Variants in CADPS observed in about 807,000 individuals in gnomAD.
The protein encoded by CADPS is calcium dependent secretion activator.
CADPS carries 57 observed loss-of-function variants against 167.3 expected under a neutral mutation model. The observed-to-expected ratio is 0.34, with a 90% CI of 0.28 to 0.42. The LOEUF (loss-of-function observed/expected upper bound fraction) is 0.42. Among genes scored for constraint, CADPS ranks in the 20% least tolerant of loss-of-function variants. CADPS has a pLI of 1.00. For missense variants in CADPS, 1,414 were observed against 1,738.1 expected (o/e 0.81, Z 3.32); for synonymous variants, 676 against 635.3 (o/e 1.06, Z -0.96).
intron 6 of CADPS, among the ~76,000 whole-genome samples, chr3:62,612,340 T>C (rs1386720011): frequency 6.6e-6 from 1 of 152,194 alleles, no homozygotes; most frequent in Non-Finnish European, 1.5e-5. Flanking sequence ...AAGCACTGAA[T>C]AACTAATAAC....
Position 62,874,979 on chromosome 3 carries a change from C to T in CADPS, c.51G>A (p.Glu17=), listed in dbSNP as rs773576142. Residue 17 remains glutamate (E), a synonymous_variant, in exon 1 of 30, where the codon GAG becomes GAA. Transcript: ENST00000383710. This position sits in a 1 kb window ranked among gnomAD's most constrained non-coding sequence, Gnocchi z 7.1. The stretch of plus-strand genomic sequence containing the variant: ...AGCCGAGCACCTCCTTGCCGCTCTC[C>T]TCCTCCACGATCTCATCCGATTCTT... ...SEEESDEIVE[E]ESGKEVLGSA... 1.3e-6 allele frequency: 2 copies of T among 1,595,802 alleles called. No individual in the cohort carries two copies. Among genetic ancestry groups the T allele is most frequent in the African/African-American group, 2.8e-5 (2 of 72,710 alleles).
At position 62,753,645 on chromosome 3, in the gene CADPS, G is replaced by A. The variant is rs142877891; in HGVS notation, c.684C>T (p.Leu228=). ...RVRSLPEIDG[L]SKETVLSSWM... Reference sequence around the variant, plus strand: ...AGGAGCTCAGCACAGTCTCCTTGCTGAGGCCGTCAATCTCAGGCAGGCTGC... The same window carrying A: ...AGGAGCTCAGCACAGTCTCCTTGCTAAGGCCGTCAATCTCAGGCAGGCTGC... Residue 228 remains leucine, a synonymous_variant, in exon 3 of 30, where the codon CTC becomes CTT. Coordinates refer to ENST00000383710, the MANE Select transcript of CADPS (RefSeq NM_003716.4). The surrounding 1 kb of genome is among the most constrained non-coding windows in gnomAD (Gnocchi z 4.6). The A allele has an allele frequency of 2.4e-4, 385 of 1,614,170 alleles. 2 individuals are homozygous for A. The African/African-American group carries it at 4.6e-3, about 19-fold the overall frequency.
chr3:62,734,141 C>G (rs482253), intron 3 of CADPS, among the ~76,000 whole-genome samples: 1 of 151,938 alleles, frequency 6.6e-6, no homozygotes, highest in Non-Finnish European at 1.5e-5. Context: ...CCTAAAAGGG[C>G]GAGCTTTATG....
chr3:62,638,730 A>T (rs895476500), intron 6 of CADPS, among the ~76,000 whole-genome samples: 2 of 152,178 alleles, frequency 1.3e-5, no homozygotes, highest in African/African-American at 4.8e-5. Context: ...TAATTTCAGA[A>T]ATTTCACCAA....
chr3:62,730,337 T>C (rs1394279230), intron 3 of CADPS, among the ~76,000 whole-genome samples: 1 of 152,078 alleles, frequency 6.6e-6, no homozygotes, highest in East Asian at 1.9e-4. Flanking sequence ...ATCTAGTGAG[T>C]AGAAGTTAGG....
chr3:62,599,818 T>A (rs1159305837), intron 6 of CADPS, among the ~76,000 whole-genome samples: 117 of 3,330 alleles, frequency 0.035, 3 homozygotes, highest in South Asian at 0.22. Flanking sequence ...AATAATATAT[T>A]ATATATTATA....
intron 1 of CADPS, among the ~76,000 whole-genome samples, chr3:62,787,587 G>C (rs1178218858): frequency 9.2e-5 from 14 of 151,970 alleles, no homozygotes; most frequent in Admixed American, 9.2e-4. Flanking sequence ...TAATAAATGA[G>C]TACAAAGAAG....
chr3:62,813,770 A>G (rs556972571), intron 1 of CADPS, among the ~76,000 whole-genome samples: 27 of 152,312 alleles, frequency 1.8e-4, no homozygotes, highest in African/African-American at 6.0e-4. Flanking sequence ...CAAAAAACAA[A>G]TAACCCCCTT....
intron 1 of CADPS, among the ~76,000 whole-genome samples, chr3:62,822,371 G>A (rs2073137621): frequency 6.6e-6 from 1 of 152,096 alleles, no homozygotes; most frequent in Non-Finnish European, 1.5e-5. Flanking sequence ...CTCCATGAGG[G>A]TAGAGAATAA....
chr3:62,668,818 A>C (rs2074978612), intron 3 of CADPS, among the ~76,000 whole-genome samples: 1 of 152,138 alleles, frequency 6.6e-6, no homozygotes, highest in South Asian at 2.1e-4. Context: ...CTGGCAGATG[A>C]ATAAAATGAC....
At position 62,565,129 on chromosome 3, in the gene CADPS, C is replaced by G. The variant is rs1273627342; in HGVS notation, c.1644+5743G>C. On this transcript the variant is annotated intron_variant, in intron 9 of 29. Transcript: ENST00000383710. ...CATTAGAGTTACTAACAGTAGTAAT[C>G]AATGTGTTTGGTTCTCACCATGGAC... Among the ~76,000 whole-genome samples, 3 of 152,042 alleles carry G rather than the reference C, an allele frequency of 2.0e-5. No individual in the cohort carries two copies. The East Asian group carries it at 5.8e-4, about 29-fold the overall frequency.
intron 26 of CADPS, among the ~76,000 whole-genome samples, chr3:62,447,839 T>C (rs1350721167): frequency 6.6e-6 from 1 of 152,204 alleles, no homozygotes; most frequent in East Asian, 1.9e-4. Flanking sequence ...TTCCTCGCCA[T>C]TGCTATGCTA....
chr3:62,760,157 G>T (rs1296093770), intron 2 of CADPS, among the ~76,000 whole-genome samples: 1 of 151,902 alleles, frequency 6.6e-6, no homozygotes, highest in Non-Finnish European at 1.5e-5. Flanking sequence ...CTATTTCTAT[G>T]CAGCATATGG....
At chr3:62,535,403 C>G (rs1031200972) in intron 12 of CADPS, among the ~76,000 whole-genome samples, 3 of 150,864 alleles carry the variant, frequency 2.0e-5, no homozygotes, top group Admixed American at 2.0e-4. Flanking sequence ...ACTATTTTAT[C>G]TACAATTTTT....
At chr3:62,533,450 T>A (rs1048040654) in intron 12 of CADPS, among the ~76,000 whole-genome samples, 1 of 152,072 alleles carries the variant, frequency 6.6e-6, no homozygotes, top group Non-Finnish European at 1.5e-5. Context: ...TAAGAGGAAA[T>A]CATAACATTA....
chr3:62,841,599 CCCAG>C (rs1170565298), intron 1 of CADPS, among the ~76,000 whole-genome samples: 2 of 152,136 alleles, frequency 1.3e-5, no homozygotes, highest in Admixed American at 6.5e-5. Flanking sequence ...TGCCTGTAGT[CCCAG>C]CCGCTCAGGA....
intron 8 of CADPS, among the ~76,000 whole-genome samples, chr3:62,584,507 T>C (rs1260926093): frequency 6.6e-6 from 1 of 152,226 alleles, no homozygotes; most frequent in African/African-American, 2.4e-5. Flanking sequence ...GTTACACGAT[T>C]ATCATGTTTT....
At chr3:62,561,109 C>T (rs577227222) in intron 9 of CADPS, among the ~76,000 whole-genome samples, 85 of 140,118 alleles carry the variant, frequency 6.1e-4, no homozygotes, top group Non-Finnish European at 1.1e-3. Flanking sequence ...GAGTGGATGG[C>T]GACAGCTGCC....
intron 9 of CADPS, among the ~76,000 whole-genome samples, chr3:62,565,154 C>A (rs1237553108): frequency 3.9e-5 from 6 of 152,074 alleles, no homozygotes; most frequent in Non-Finnish European, 8.8e-5. Flanking sequence ...TCACCATGGA[C>A]CCGAGGGTTT....
Sources: allele counts gnomAD v4.1 joint callset (sites outside exome capture counted in the v4.1 genomes callset), GRCh38; gene constraint gnomAD v4.1.1; non-coding constraint Gnocchi (gnomAD v3.1); transcripts MANE v1.5; gene names NCBI Gene and HGNC (gene_info 2026-07-23, HGNC 2026-07-21).